The following SKAP1 variants were observed in gnomAD, a reference collection of about 807,000 sequenced individuals.
SKAP1 encodes src kinase associated phosphoprotein 1.
Under a neutral mutation model 58.5 loss-of-function variants are expected in SKAP1, and 44 were observed. The observed-to-expected ratio is 0.75, with a 90% CI of 0.59 to 0.97. SKAP1 has a LOEUF of 0.97. Ranked by LOEUF, SKAP1 falls within the 50% of genes least tolerant of loss-of-function variation. The pLI is 0.00. For missense variants in SKAP1, 390 were observed against 435.2 expected (o/e 0.90, Z 0.92); for synonymous variants, 127 against 149.7 (o/e 0.85, Z 1.11).
At chr17:48,273,422 G>GTTT (rs61407419) in intron 4 of SKAP1, among the ~76,000 whole-genome samples, 4 of 145,874 alleles carry the variant, frequency 2.7e-5, no homozygotes, top group Non-Finnish European at 4.5e-5. Context: ...TTTTATCACT[G>GTTT]TTTTTTTTTT....
intron 4 of SKAP1, among the ~76,000 whole-genome samples, chr17:48,287,736 T>C (rs765113803): frequency 1.3e-5 from 2 of 152,222 alleles, no homozygotes; most frequent in Non-Finnish European, 2.9e-5. Context: ...CTAGAGTTCA[T>C]TAGCTTATCA....
chr17:48,277,116 A>G (rs1368966457), intron 4 of SKAP1, among the ~76,000 whole-genome samples: 2 of 152,272 alleles, frequency 1.3e-5, no homozygotes, highest in African/African-American at 4.8e-5. Context: ...CTTCTTTTAT[A>G]TTACAGAAAT....
intron 4 of SKAP1, among the ~76,000 whole-genome samples, chr17:48,232,650 C>A (rs916747818): frequency 6.6e-6 from 1 of 151,992 alleles, no homozygotes; most frequent in Non-Finnish European, 1.5e-5. Flanking sequence ...AGTAAGTATC[C>A]CATTGGATTA....
chr17:48,322,826 C>T (rs942612288), intron 4 of SKAP1, among the ~76,000 whole-genome samples: 7 of 152,104 alleles, frequency 4.6e-5, no homozygotes, highest in Non-Finnish European at 8.8e-5. Flanking sequence ...CTGGGCGTGG[C>T]GGCTCACGCC....
chr17:48,407,309 T>C (rs960647862), intron 1 of SKAP1, among the ~76,000 whole-genome samples: 1 of 152,126 alleles, frequency 6.6e-6, no homozygotes, highest in Non-Finnish European at 1.5e-5. Context: ...AACAAGTCTA[T>C]GGGGAAAAGG....
intron 4 of SKAP1, among the ~76,000 whole-genome samples, chr17:48,298,297 T>C (rs1409340971): frequency 6.6e-6 from 1 of 152,198 alleles, no homozygotes; most frequent in Admixed American, 6.5e-5. Context: ...AACAAACAAC[T>C]AGTCAGAAGC....
intron 4 of SKAP1, among the ~76,000 whole-genome samples, chr17:48,325,175 G>A (rs2066418583): frequency 6.6e-6 from 1 of 151,066 alleles, no homozygotes; most frequent in South Asian, 2.1e-4. Flanking sequence ...CGTGAACCCG[G>A]GAGGCGGAGC....
intron 6 of SKAP1, among the ~76,000 whole-genome samples, chr17:48,186,702 C>G (rs1207717392): frequency 6.7e-6 from 1 of 150,124 alleles, no homozygotes; most frequent in African/African-American, 2.4e-5. Context: ...GAACTCCTGA[C>G]CTCATGATCT....
At chr17:48,398,534 C>A (rs958416310) in intron 1 of SKAP1, among the ~76,000 whole-genome samples, 1 of 152,170 alleles carries the variant, frequency 6.6e-6, no homozygotes, top group Non-Finnish European at 1.5e-5. Flanking sequence ...ACCATCCCCC[C>A]ACCCCCGGTC....
In SKAP1 at chr17:48,143,014, C is replaced by T. The variant is rs142095879; in HGVS notation, c.979-5677G>A. Reference sequence around the variant, plus strand: ...TTTTTTTTTGTAGAGATGGGGTCTCCCTATGTTGCCCAGGCTGGTCCTGAA... The same window carrying T: ...TTTTTTTTTGTAGAGATGGGGTCTCTCTATGTTGCCCAGGCTGGTCCTGAA... On this transcript the variant is annotated intron_variant, in intron 11 of 12. Coordinates refer to ENST00000336915, the MANE Select transcript of SKAP1 (RefSeq NM_003726.4). Among the ~76,000 whole-genome samples the T allele has an allele frequency of 9.4e-5, 14 of 148,810 alleles. No individual in the cohort carries two copies. The East Asian group carries it at 2.8e-3, about 29-fold the overall frequency.
intron 4 of SKAP1, among the ~76,000 whole-genome samples, chr17:48,339,608 A>G (rs2066620094): frequency 6.6e-6 from 1 of 152,134 alleles, no homozygotes; most frequent in African/African-American, 2.4e-5. Flanking sequence ...CTGAACCTAC[A>G]TAGGTTTCTA....
At chr17:48,440,165 A>G in the SKAP1 span, among the ~76,000 whole-genome samples, 1 of 152,298 alleles carries the variant, frequency 6.6e-6, no homozygotes, top group East Asian at 1.9e-4. Flanking sequence ...TGGTGACAGA[A>G]TGCAGGCCAT....
intron 3 of SKAP1, among the ~76,000 whole-genome samples, chr17:48,358,810 C>T (rs1299211911): frequency 6.6e-6 from 1 of 152,134 alleles, no homozygotes; most frequent in Non-Finnish European, 1.5e-5. Flanking sequence ...CATTACAACT[C>T]ATAGTAACTG....
intron 4 of SKAP1, among the ~76,000 whole-genome samples, chr17:48,273,714 C>T (rs958785270): frequency 2.6e-5 from 4 of 152,126 alleles, no homozygotes; most frequent in South Asian, 2.1e-4. Context: ...CCACCGTGCC[C>T]GGCTCTTTTA....
At chr17:48,342,250 G>T (rs912691758) in intron 4 of SKAP1, among the ~76,000 whole-genome samples, 1 of 152,142 alleles carries the variant, frequency 6.6e-6, no homozygotes, top group Non-Finnish European at 1.5e-5. Flanking sequence ...GTTCCCGATG[G>T]TGGGGCTGTG....
intron 1 of SKAP1, among the ~76,000 whole-genome samples, chr17:48,400,733 G>A (rs1255702177): frequency 1.3e-5 from 2 of 151,598 alleles, no homozygotes; most frequent in Non-Finnish European, 2.9e-5. Context: ...GGGTGACAGA[G>A]CAAGACCTTA....
intron 4 of SKAP1, among the ~76,000 whole-genome samples, chr17:48,246,391 A>G (rs1339733119): frequency 6.6e-6 from 1 of 152,212 alleles, no homozygotes; most frequent in Admixed American, 6.5e-5. Flanking sequence ...CTTTGTGGGT[A>G]TAGCCCCGTT....
chr17:48,424,939 A>AAAAAAG (rs1414459021), intron 1 of SKAP1, among the ~76,000 whole-genome samples: 2 of 150,330 alleles, frequency 1.3e-5, no homozygotes, highest in Non-Finnish European at 3.0e-5. Flanking sequence ...TCAAAAAAAA[A>AAAAAAG]AAAAAGAAAA....
intron 4 of SKAP1, among the ~76,000 whole-genome samples, chr17:48,233,415 C>T (rs2065145176): frequency 6.6e-6 from 1 of 151,954 alleles, no homozygotes; most frequent in Non-Finnish European, 1.5e-5. Flanking sequence ...ACTGTGTTGT[C>T]CCTGTTTGGC....
Sources: gnomAD v4.1 joint callset for allele counts (sites outside exome capture counted in the v4.1 genomes callset) on GRCh38, gnomAD v4.1.1 for gene constraint, MANE v1.5 for transcripts, NCBI Gene and HGNC (gene_info 2026-07-23, HGNC 2026-07-21) for gene names.